Variants in ATP9A observed in about 807,000 individuals in gnomAD.
The protein encoded by ATP9A is probable phospholipid-transporting ATPase IIA.
ATP9A carries 52 observed loss-of-function variants against 144.1 expected under a neutral mutation model. The ratio of observed to expected loss-of-function variants is 0.36; its 90% CI spans 0.29 to 0.45. The LOEUF (loss-of-function observed/expected upper bound fraction) is 0.45. Ranked by LOEUF, ATP9A falls within the 20% of genes least tolerant of loss-of-function variation. ATP9A has a pLI of 1.00. For missense variants in ATP9A, 947 were observed against 1,392.7 expected (o/e 0.68, Z 5.09); for synonymous variants, 582 against 557.4 (o/e 1.04, Z -0.62).
chr20:51,765,597 A>G (rs977686484), intron 1 of ATP9A, among the ~76,000 whole-genome samples: 2 of 143,760 alleles, frequency 1.4e-5, no homozygotes, highest in African/African-American at 5.2e-5. Context: ...CGTTGCAGTG[A>G]GCCGAGATCG....
intron 16 of ATP9A, among the ~76,000 whole-genome samples, chr20:51,628,060 G>A (rs1315007379): frequency 6.6e-6 from 1 of 152,124 alleles, no homozygotes; most frequent in African/African-American, 2.4e-5. Flanking sequence ...GAGGAGCAGT[G>A]GCCTCCACGT....
intron 3 of ATP9A, among the ~76,000 whole-genome samples, chr20:51,719,708 G>A (rs1333050494): frequency 7.1e-6 from 1 of 141,812 alleles, no homozygotes; most frequent in African/African-American, 2.6e-5. Flanking sequence ...ACTCCAGCCT[G>A]GCAACAGATC....
chr20:51,732,084 C>T (rs2077744321), intron 1 of ATP9A, among the ~76,000 whole-genome samples: 1 of 152,100 alleles, frequency 6.6e-6, no homozygotes, highest in African/African-American at 2.4e-5. Context: ...TTGGTGCCAA[C>T]ATCAGCACCC....
chr20:51,604,492 G>T (rs1231385188), intron 27 of ATP9A, among the ~76,000 whole-genome samples: 1 of 152,130 alleles, frequency 6.6e-6, no homozygotes, highest in African/African-American at 2.4e-5. Flanking sequence ...TCATAGATTG[G>T]ACTTCAGATT....
rs2077434653 is a variant in ATP9A at position 51,666,705 on chromosome 20, A to G, written c.1293+3292T>C. On this transcript the variant is annotated intron_variant, in intron 13 of 27. Coordinates refer to ENST00000338821, the MANE Select transcript of ATP9A (RefSeq NM_006045.3). ...AAAAAAAAAAAAAAAAGAAAGAAAG[A>G]AAAAGAAGAAAGAACCACTGGTATA... Among the ~76,000 whole-genome samples, 3 of 151,564 alleles carry G rather than the reference A, an allele frequency of 2.0e-5. No homozygotes were observed. The South Asian group carries it at 6.3e-4, about 32-fold the overall frequency.
chr20:51,662,488 T>C (rs1303147740), intron 13 of ATP9A, among the ~76,000 whole-genome samples: 1 of 150,112 alleles, frequency 6.7e-6, no homozygotes, highest in Admixed American at 6.7e-5. Flanking sequence ...GAGGTTGCAG[T>C]GAGCTGAGAT....
intron 26 of ATP9A, 111 bp downstream of exon 26, chr20:51,607,416 C>G (rs1568782376): frequency 1.0e-6 from 1 of 1,004,416 alleles, no homozygotes; most frequent in East Asian, 2.5e-5. Flanking sequence ...TGCCACCCTC[C>G]TTCCTGCTAT....
chr20:51,616,673 T>A (rs1021487604), intron 22 of ATP9A, among the ~76,000 whole-genome samples: 9 of 152,132 alleles, frequency 5.9e-5, no homozygotes, highest in Admixed American at 5.2e-4. Context: ...TCTTGTCATT[T>A]AGAGGTCACA....
intron 9 of ATP9A, among the ~76,000 whole-genome samples, chr20:51,688,100 G>A (rs1050361119): frequency 1.3e-5 from 2 of 152,126 alleles, no homozygotes; most frequent in Admixed American, 6.6e-5. Context: ...CCTCCGTTCC[G>A]TCATCTGCAG....
In ATP9A at chr20:51,611,592, T is replaced by A. The variant is rs147409079; in HGVS notation, c.2572-1427A>T. 9.4e-3 allele frequency among the ~76,000 whole-genome samples: 1,437 copies of A among 152,340 alleles called. 6 individuals carry two copies. The highest frequency in any genetic ancestry group is 0.01 in the Middle Eastern group (3 of 294). ...ACAGTGGACAGGGGTTAAAGGCATT[T>A]TCTTTAGCACAAAGAACAATGCCTC... On this transcript the variant is annotated intron_variant, in intron 23 of 27. Transcript: ENST00000338821. The surrounding 1 kb of genome is among the most constrained non-coding windows in gnomAD (Gnocchi z 4.2).
At chr20:51,690,856 G>C (rs1255485252) in intron 7 of ATP9A, 37 bp from the exon 8 acceptor site, 2 of 1,557,294 alleles carry the variant, frequency 1.3e-6, no homozygotes, top group South Asian at 2.2e-5. Flanking sequence ...GTCAAAGTCA[G>C]TTCACAATGC....
rs1283857219 is a variant in ATP9A at position 51,617,472 on chromosome 20, A to G, written c.2415+18T>C. ...GAAACTACAGCAAGTGGAGCCGAGC[A>G]GAGGGAAACACTCTCACCTTTCCTT... On this transcript the variant is annotated intron_variant, in intron 22 of 27. Coordinates refer to ENST00000338821, the MANE Select transcript of ATP9A (RefSeq NM_006045.3). The G allele has an allele frequency of 6.2e-7, 1 of 1,605,086 alleles. No individual in the cohort carries two copies. The highest frequency in any genetic ancestry group is 1.3e-5 in the African/African-American group (1 of 74,654).
At chr20:51,695,215 G>A (rs1031686708) in intron 6 of ATP9A, among the ~76,000 whole-genome samples, 1 of 152,090 alleles carries the variant, frequency 6.6e-6, no homozygotes, top group Admixed American at 6.6e-5. Context: ...TTGGCCAGGC[G>A]TGGTGGCTCA....
chr20:51,719,616 C>G (rs369971891), intron 3 of ATP9A, among the ~76,000 whole-genome samples: 2 of 151,736 alleles, frequency 1.3e-5, no homozygotes, highest in East Asian at 3.9e-4. Flanking sequence ...ACCTGTAGTC[C>G]CAGCTACTTG....
chr20:51,726,870 C>A (rs568619796), intron 2 of ATP9A, among the ~76,000 whole-genome samples: 1 of 141,154 alleles, frequency 7.1e-6, no homozygotes, highest in African/African-American at 2.6e-5. Context: ...TAAGCCACTG[C>A]GTCCAGACTG....
chr20:51,683,715 C>G (rs1213729380), intron 9 of ATP9A, among the ~76,000 whole-genome samples: 1 of 152,158 alleles, frequency 6.6e-6, no homozygotes. Context: ...TGCACCCAGC[C>G]TCGTTTTACA....
chr20:51,730,430 T>A (rs1358306676), intron 1 of ATP9A, among the ~76,000 whole-genome samples: 2 of 152,210 alleles, frequency 1.3e-5, no homozygotes, highest in East Asian at 3.8e-4. Context: ...ATCGCACCAC[T>A]GCACTCCAGC....
intron 19 of ATP9A, among the ~76,000 whole-genome samples, chr20:51,620,765 T>C (rs763230777): frequency 1.3e-5 from 2 of 151,992 alleles, no homozygotes; most frequent in Non-Finnish European, 2.9e-5. Flanking sequence ...AAAACGACAC[T>C]GGTTCGTCAC....
At chr20:51,601,373 T>G (rs747641892) in intron 27 of ATP9A, 26 bp from the exon 28 acceptor site, 1 of 1,589,208 alleles carries the variant, frequency 6.3e-7, no homozygotes, top group Non-Finnish European at 8.6e-7. Context: ...AAGACGGCAG[T>G]GAGCAGGCAG....
Sources: allele counts gnomAD v4.1 joint callset (sites outside exome capture counted in the v4.1 genomes callset), GRCh38; gene constraint gnomAD v4.1.1; non-coding constraint Gnocchi (gnomAD v3.1); transcripts MANE v1.5; gene names NCBI Gene and HGNC (gene_info 2026-07-23, HGNC 2026-07-21).